The following SEC16A variants were observed in gnomAD, a reference collection of about 807,000 sequenced individuals.
The protein encoded by SEC16A is SEC16 homolog A, endoplasmic reticulum export factor, also known as protein transport protein Sec16A.
SEC16A carries 110 observed loss-of-function variants against 221.9 expected under a neutral mutation model. The ratio of observed to expected loss-of-function variants is 0.50; its 90% CI spans 0.42 to 0.58. The LOEUF (loss-of-function observed/expected upper bound fraction) is 0.58. Among genes scored for constraint, SEC16A ranks in the 20% least tolerant of loss-of-function variants. SEC16A has a pLI of 0.00. For synonymous variants in SEC16A, 1,393 were observed against 1,257.7 expected (o/e 1.11, Z -2.28); for missense variants, 3,165 against 3,097.8 (o/e 1.02, Z -0.52).
chr9:136,455,969 A>G, intron 19 of SEC16A, 84 bp downstream of exon 19: 1 of 1,267,782 alleles, frequency 7.9e-7, no homozygotes, highest in Non-Finnish European at 1.1e-6. Context: ...CTGTCTTTAC[A>G]GATACATACT....
chr9:136,451,115 C>T (rs961749763), intron 23 of SEC16A, 141 bp downstream of exon 23: 8 of 833,736 alleles, frequency 9.6e-6, no homozygotes, highest in African/African-American at 1.7e-5. Context: ...CCCATCATGC[C>T]GTGTGCACTG....
chr9:136,475,022 C>T lies in SEC16A; in HGVS notation c.2594G>A (p.Gly865Glu). The change falls in exon 3 of 32, where the codon GGG becomes GAG. Residue 865 changes from glycine (G) to glutamate (E), a missense_variant. Physicochemically the swap from Gly to Glu is moderately conservative, Grantham distance 98 (BLOSUM62 -2). This residue lies in a region of SEC16A where 2,030 missense variants were observed against 1,923.1 expected (regional missense o/e 1.06). Transcript: ENST00000684901. The surrounding 1 kb of genome is among the most constrained non-coding windows in gnomAD (Gnocchi z 5.0). ...KNQSWREALVGDRPAVSSWAL... is the reference protein window; with the variant it reads ...KNQSWREALVEDRPAVSSWAL... ...CCAACTGCTGACTGCAGGTCTATCC[C>T]CCACCAAAGCCTCTCTCCAGGACTG... is the stretch of plus-strand genomic sequence containing the variant. 2 of 1,613,638 alleles carry T rather than the reference C, an allele frequency of 1.2e-6. No individual in the cohort carries two copies. Among genetic ancestry groups the T allele is most frequent in the Non-Finnish European group, 1.7e-6 (2 of 1,179,846 alleles).
Position 136,476,826 on chromosome 9 carries a change from G to A in SEC16A, c.790C>T (p.Gln264Ter). ...SILHQGPGHE[Q>*]HSPLVAPPAA... ...GGGGGAGCCACCAGAGGGCTGTGTT[G>A]CTCATGACCAGGGCCCTGATGTAGG... The change falls in exon 3 of 32, where the codon CAA becomes TAA. Residue 264 changes from glutamine (Q) to a stop codon, truncating the protein, a stop_gained. Transcript: ENST00000684901. LOFTEE classifies it high-confidence loss of function. The A allele has an allele frequency of 6.2e-7, 1 of 1,612,308 alleles. No homozygotes were observed. Among genetic ancestry groups the A allele is most frequent in the African/African-American group, 1.3e-5 (1 of 75,044 alleles).
At position 136,462,997 on chromosome 9, in the gene SEC16A, A is replaced by C; in HGVS notation, c.4783T>G (p.Ser1595Ala). 1 of 1,610,300 alleles carries C rather than the reference A, an allele frequency of 6.2e-7. No individual in the cohort carries two copies. Among genetic ancestry groups the C allele is most frequent in the Non-Finnish European group, 8.5e-7 (1 of 1,179,712 alleles). Residue 1595 changes from serine (S) to alanine (A), a missense_variant, in exon 12 of 32, where the codon TCT (serine) becomes GCT (alanine). By Grantham distance (99) the Ser-to-Ala change is moderately conservative. This residue lies in a region of SEC16A where 1,088 missense variants were observed against 1,089.6 expected (regional missense o/e 1.00). Coordinates refer to ENST00000684901, the MANE Select transcript of SEC16A (RefSeq NM_014866.2). Reference sequence around the variant, plus strand: ...AGGAAAGAGAGCTGGGCCTCACCAGACTCCTCCTCTTCCACCTGCTCCACT... The same window carrying C: ...AGGAAAGAGAGCTGGGCCTCACCAGCCTCCTCCTCTTCCACCTGCTCCACT... ...EAVEQVEEEE[S>A]GEAQLSFLTG...
chr9:136,457,675 G>C (rs1055230737), intron 17 of SEC16A, 91 bp from the exon 18 acceptor site: 1 of 1,437,858 alleles, frequency 7.0e-7, no homozygotes, highest in African/African-American at 1.4e-5. Flanking sequence ...AGGCTCCCCT[G>C]CATCCGAGCA....
At position 136,466,444 on chromosome 9, in the gene SEC16A, G is replaced by A; in HGVS notation, c.3948C>T (p.Asn1316=). 6.2e-7 allele frequency: 1 copy of A among 1,606,434 alleles called. No individual in the cohort carries two copies. Among genetic ancestry groups the A allele is most frequent in the Non-Finnish European group, 8.5e-7 (1 of 1,176,470 alleles). Residue 1316 remains asparagine (N), a synonymous_variant, in exon 7 of 32, where the codon AAC becomes AAT. Transcript: ENST00000684901. This position sits in a 1 kb window ranked among gnomAD's most constrained non-coding sequence, Gnocchi z 5.5. ...TGAAGCGAGGATCGTACCTCCAGTTGTTGTCACGTTTCTCGGGCCTAGAGG... is the reference window on the plus strand; with the variant it reads ...TGAAGCGAGGATCGTACCTCCAGTTATTGTCACGTTTCTCGGGCCTAGAGG... The part of the protein sequence containing the change: ...AFGDRPEKRD[N]NWRYDPRFTG...
chr9:136,466,749 T>G lies in SEC16A; in HGVS notation c.3929+208A>C, dbSNP rs1362814065. 2.0e-5 allele frequency among the ~76,000 whole-genome samples: 3 copies of G among 152,234 alleles called. No homozygotes were observed. The highest frequency in any genetic ancestry group is 4.4e-5 in the Non-Finnish European group (3 of 68,050). ...TCCCAGAGGTGCTGAACAGTCCTCT[T>G]GCTGAGGCCAGTTCTCCTCTAACAG... On this transcript the variant is annotated intron_variant, in intron 6 of 31. Coordinates refer to ENST00000684901, the MANE Select transcript of SEC16A (RefSeq NM_014866.2). The surrounding 1 kb of genome is among the most constrained non-coding windows in gnomAD (Gnocchi z 5.5).
rs768367463 is a variant in SEC16A, at chr9:136,451,350, G to C, written c.6218C>G (p.Ser2073Trp). ...EAPPGWDRADSGPTQPPLSLS... is the reference protein window; with the variant it reads ...EAPPGWDRADWGPTQPPLSLS... Reference sequence around the variant, plus strand: ...AGACAGAGGTGGCTGCGTGGGACCCGAGTCGGCACGATCCCACCCTGGGGG... The same window carrying C: ...AGACAGAGGTGGCTGCGTGGGACCCCAGTCGGCACGATCCCACCCTGGGGG... Residue 2073 changes from serine to tryptophan, a missense_variant, in exon 23 of 32, where the codon TCG (serine) becomes TGG (tryptophan). By Grantham distance (177) the Ser-to-Trp change is radical. Coordinates refer to ENST00000684901, the MANE Select transcript of SEC16A (RefSeq NM_014866.2). 5 of 1,613,604 alleles carry C rather than the reference G, an allele frequency of 3.1e-6. No homozygotes were observed. Among genetic ancestry groups the C allele is most frequent in the Non-Finnish European group, 4.2e-6 (5 of 1,179,740 alleles).
chr9:136,465,003 A>G (rs959298088), intron 8 of SEC16A, among the ~76,000 whole-genome samples: 1 of 152,190 alleles, frequency 6.6e-6, no homozygotes, highest in Admixed American at 6.5e-5. Flanking sequence ...GCATGCCTGT[A>G]ATCCCAGCAC....
intron 20 of SEC16A, among the ~76,000 whole-genome samples, chr9:136,454,806 G>A (rs1838376163): frequency 1.3e-5 from 2 of 152,242 alleles, no homozygotes; most frequent in Admixed American, 6.5e-5. Context: ...CGGGACAGAT[G>A]AACTGAGTAA....
At position 136,445,043 on chromosome 9, in the gene SEC16A, C is replaced by A; in HGVS notation, c.6927+9G>T. The stretch of plus-strand genomic sequence containing the variant: ...TCTCATGTTAGTGAGGACCACCAGC[C>A]GCAGGTACCTGATTAAAATGCTGGC... On this transcript the variant is annotated intron_variant, in intron 30 of 31. Transcript: ENST00000684901. The A allele has an allele frequency of 6.2e-7, 1 of 1,603,316 alleles. No individual in the cohort carries two copies.
Position 136,463,730 on chromosome 9 carries a change from T to A in SEC16A, c.4457A>T (p.Gln1486Leu). 6.2e-7 allele frequency: 1 copy of A among 1,612,076 alleles called. No individual in the cohort carries two copies. The highest frequency in any genetic ancestry group is 2.2e-5 in the East Asian group (1 of 44,884). ...CATCTCCTCCTGCTCAGACGTGTGC[T>A]GCAGCAAGGCCTACGAGGAGAGGGC... ...VEVHSMEALL[Q>L]HTSEQEEMRA... The change falls in exon 10 of 32, where the codon CAG becomes CTG. Residue 1486 changes from glutamine to leucine, a missense_variant. By Grantham distance (113) the Gln-to-Leu change is moderately radical. This residue lies in a region of SEC16A where 47 missense variants were observed against 85.0 expected (regional missense o/e 0.55). Transcript: ENST00000684901.
rs1163719714 is a variant in SEC16A at position 136,456,050 on chromosome 9, T to TA, written c.5664+2dup. The TA allele has an allele frequency of 6.2e-7, 1 of 1,609,312 alleles. No individual in the cohort carries two copies. The highest frequency in any genetic ancestry group is 1.3e-5 in the African/African-American group (1 of 74,818). On this transcript the variant is annotated splice_region_variant and intron_variant, in intron 19 of 31. Transcript: ENST00000684901. ...TCTGTGCCACCCCAAGCCAAGGCTG[T>TA]ACCTTAATCTGCCGCTCCACCTGCT...
Position 136,482,975 on chromosome 9 carries a change from G to C in SEC16A, c.-229C>G. 1 of 985,176 alleles carries C rather than the reference G, an allele frequency of 1.0e-6. No individual in the cohort carries two copies. Among genetic ancestry groups the C allele is most frequent in the Non-Finnish European group, 1.2e-6 (1 of 829,816 alleles). 61.0% of individuals were successfully genotyped at this position (985,176 alleles called of 1,614,324 possible). ...GACCGATCCCTCAGGAGCCGCGGGCGAAAGCCCACCCGACGCTGGCGACGA... is the reference window on the plus strand; with the variant it reads ...GACCGATCCCTCAGGAGCCGCGGGCCAAAGCCCACCCGACGCTGGCGACGA... On this transcript the variant is annotated 5_prime_UTR_variant, in exon 1 of 32. Coordinates refer to ENST00000684901, the MANE Select transcript of SEC16A (RefSeq NM_014866.2).
Position 136,450,068 on chromosome 9 carries a change from G to A in SEC16A, c.6312+1188C>T, listed in dbSNP as rs192210817. ...AAAATACAAAAAATTAGCTGGGAGT[G>A]GGGTGGGCACCTGTAATCCCAGCTA... On this transcript the variant is annotated intron_variant, in intron 23 of 31. Coordinates refer to ENST00000684901, the MANE Select transcript of SEC16A (RefSeq NM_014866.2). Among the ~76,000 whole-genome samples the A allele has an allele frequency of 3.2e-3, 482 of 152,080 alleles. 4 individuals are homozygous for A. The highest frequency in any genetic ancestry group is 0.011 in the African/African-American group (458 of 41,462).
Position 136,467,048 on chromosome 9 carries a change from T to C in SEC16A, c.3838A>G (p.Arg1280Gly), listed in dbSNP as rs374820792. Reference sequence around the variant, plus strand: ...TCATAGGTGCGGGGGTCCCTGACTCTAGCACTGTAGTGGTAACGATCCCAG... The same window carrying C: ...TCATAGGTGCGGGGGTCCCTGACTCCAGCACTGTAGTGGTAACGATCCCAG... ...GHWDRYHYSA[R>G]VRDPRTYDRR... The change falls in exon 6 of 32, where the codon AGA becomes GGA. Residue 1280 changes from arginine to glycine, a missense_variant. By Grantham distance (125) the Arg-to-Gly change is moderately radical. Transcript: ENST00000684901. 6.2e-7 allele frequency: 1 copy of C among 1,613,798 alleles called. No homozygotes were observed. The highest frequency in any genetic ancestry group is 8.5e-7 in the Non-Finnish European group (1 of 1,179,840).
Position 136,466,238 on chromosome 9 carries a change from C to T in SEC16A, c.4128+26G>A, listed in dbSNP as rs548489051. 364 of 1,588,740 alleles carry T rather than the reference C, an allele frequency of 2.3e-4. 1 individual carries two copies. The highest frequency in any genetic ancestry group is 7.2e-4 in the East Asian group (32 of 44,342). On this transcript the variant is annotated intron_variant, in intron 7 of 31. Coordinates refer to ENST00000684901, the MANE Select transcript of SEC16A (RefSeq NM_014866.2). This position sits in a 1 kb window ranked among gnomAD's most constrained non-coding sequence, Gnocchi z 5.5. ...TGGTGGTTCTAAACACAACCGTCCG[C>T]GTGTCTGTGAGGCGCCGCCGCGTAC...
intron 4 of SEC16A, among the ~76,000 whole-genome samples, chr9:136,470,133 A>G (rs11145756): frequency 0.44 from 66,418 of 152,110 alleles, 14,849 homozygotes; most frequent in Admixed American, 0.54. Context: ...ACAAACATGC[A>G]AGACGTGTGC....
At chr9:136,451,137 C>T in intron 23 of SEC16A, 119 bp downstream of exon 23, 1 of 1,043,988 alleles carries the variant, frequency 9.6e-7, no homozygotes. Flanking sequence ...AGACACTCGG[C>T]TGTTTGTATC....
Sources: gnomAD v4.1 joint callset for allele counts (sites outside exome capture counted in the v4.1 genomes callset) on GRCh38, gnomAD v4.1.1 for gene constraint, gnomAD v4.1.1 regional missense constraint, Gnocchi (gnomAD v3.1) non-coding constraint, MANE v1.5 for transcripts, NCBI Gene and HGNC (gene_info 2026-07-23, HGNC 2026-07-21) for gene names.